KPNA6: variants seen among roughly 807,000 people sequenced by gnomAD.
KPNA6 encodes the protein importin subunit alpha-7.
Under a neutral mutation model 72.0 loss-of-function variants are expected in KPNA6, and 9 were observed. The observed-to-expected ratio is 0.13, with a 90% CI of 0.08 to 0.22. The LOEUF is 0.22. Among genes scored for constraint, KPNA6 ranks in the 10% least tolerant of loss-of-function variants. KPNA6 has a pLI of 1.00. For synonymous variants in KPNA6, 219 were observed against 242.1 expected (o/e 0.90, Z 0.89); for missense variants, 374 against 655.7 (o/e 0.57, Z 4.69).
intron 1 of KPNA6, among the ~76,000 whole-genome samples, chr1:32,151,686 C>G (rs534476820): frequency 6.6e-6 from 1 of 152,180 alleles, no homozygotes; most frequent in African/African-American, 2.4e-5. Flanking sequence ...TCACTTAATT[C>G]GTTTCCCTCT....
intron 3 of KPNA6, 23 bp from the exon 4 acceptor site, chr1:32,157,323 C>T (rs1321361126): frequency 1.3e-6 from 2 of 1,592,216 alleles, no homozygotes; most frequent in Non-Finnish European, 1.7e-6. Context: ...TTTGCAAAGT[C>T]CTAAACTTGT....
At chr1:32,125,957 T>A (rs1313299295) in intron 1 of KPNA6, among the ~76,000 whole-genome samples, 2 of 146,414 alleles carry the variant, frequency 1.4e-5, no homozygotes, top group Non-Finnish European at 3.0e-5. Context: ...TGCCGCCAAA[T>A]GTGTTTTGAG....
intron 9 of KPNA6, 121 bp from the exon 10 acceptor site, chr1:32,163,113 AG>A: frequency 1.5e-6 from 1 of 671,990 alleles, no homozygotes; most frequent in Non-Finnish European, 2.7e-6. Context: ...CAAAAAAAAA[AG>A]AAAAAAGAAA....
chr1:32,134,350 G>T (rs1205118091), intron 1 of KPNA6, among the ~76,000 whole-genome samples: 4 of 151,672 alleles, frequency 2.6e-5, no homozygotes, highest in Non-Finnish European at 5.9e-5. Context: ...GCTTAGGGGG[G>T]TTGTTACCAC....
chr1:32,173,852 A>G lies in KPNA6; in HGVS notation c.*2958A>G, dbSNP rs1028864858. On this transcript the variant is annotated 3_prime_UTR_variant, in exon 14 of 14. Coordinates refer to ENST00000373625, the MANE Select transcript of KPNA6 (RefSeq NM_012316.5). ...TTTTGGAATCCTGGCATGTTGGCAT[A>G]TGGCTGGTCTATCCTTTTTAAGATC... 6.6e-6 allele frequency: 1 copy of G among 152,298 alleles called. No homozygotes were observed. The highest frequency in any genetic ancestry group is 6.5e-5 in the Admixed American group (1 of 15,282). The allele number at this position is 152,298 out of a possible 1,614,324, so 9.4% of individuals were successfully genotyped here.
rs924032604 is a variant in KPNA6 at position 32,173,319 on chromosome 1, T to TA, written c.*2426dup. ...GGGACCAGTTTCTTAGTGTAAGACATACACATCCTGCTTGTCCAGCTGTTC... is the reference window on the plus strand; with the variant it reads ...GGGACCAGTTTCTTAGTGTAAGACATAACACATCCTGCTTGTCCAGCTGTTC... On this transcript the variant is annotated 3_prime_UTR_variant, in exon 14 of 14. Transcript: ENST00000373625. 2.6e-6 allele frequency: 1 copy of TA among 385,310 alleles called. No homozygotes were observed. Among genetic ancestry groups the TA allele is most frequent in the African/African-American group, 2.1e-5 (1 of 48,282 alleles). 23.9% of individuals were successfully genotyped at this position (385,310 alleles called of 1,614,324 possible). A position where few individuals can be genotyped will look rare whatever the true frequency, so the allele number is the denominator to read the frequency against.
In KPNA6 at chr1:32,173,268, CAAGT is replaced by C. The variant is rs1462936186; in HGVS notation, c.*2378_*2381del. 7.6e-6 allele frequency: 3 copies of C among 392,890 alleles called. No individual in the cohort carries two copies. Among genetic ancestry groups the C allele is most frequent in the Non-Finnish European group, 8.9e-6 (2 of 223,684 alleles). The allele number at this position is 392,890 out of a possible 1,614,324, so 24.3% of individuals were successfully genotyped here. ...TTAGTAGGATCTACTTTGTACATCT[CAAGT>C]AAGAGTTAAGTCCCTGATACAGGGA... is the stretch of plus-strand genomic sequence containing the variant. On this transcript the variant is annotated 3_prime_UTR_variant, in exon 14 of 14. Coordinates refer to ENST00000373625, the MANE Select transcript of KPNA6 (RefSeq NM_012316.5).
intron 1 of KPNA6, among the ~76,000 whole-genome samples, chr1:32,153,855 AGCAGTTCTTGGCTGGACGTGGTTGCTCAT>A (rs1642084868): frequency 6.6e-6 from 1 of 152,174 alleles, no homozygotes; most frequent in Non-Finnish European, 1.5e-5. Flanking sequence ...TGCTTAGAAC[AGCAGTTCTTGGCTGGACGTGGTTGCTCAT>A]GCCTATAGTC....
intron 1 of KPNA6, among the ~76,000 whole-genome samples, chr1:32,134,256 CA>C (rs34653548): frequency 0.17 from 18,776 of 109,400 alleles, 1,591 homozygotes; most frequent in East Asian, 0.39. Flanking sequence ...CACTTCGTCT[CA>C]AAAAAAAAAA....
chr1:32,113,296 A>G (rs1641271205), intron 1 of KPNA6, among the ~76,000 whole-genome samples: 1 of 152,042 alleles, frequency 6.6e-6, no homozygotes, highest in Admixed American at 6.6e-5. Context: ...AGGAAACTGA[A>G]GTGGGAGAAT....
rs370604932 is a variant in KPNA6, at chr1:32,167,616, G to A, written c.1244+320G>A. ...CCAACAGAGAACTGAAATCTATGTA[G>A]TTCTCAATTCAAATGAAGGGGAACC... On this transcript the variant is annotated intron_variant, in intron 12 of 13. Coordinates refer to ENST00000373625, the MANE Select transcript of KPNA6 (RefSeq NM_012316.5). Among the ~76,000 whole-genome samples the A allele has an allele frequency of 6.6e-5, 10 of 152,194 alleles. No homozygotes were observed. The East Asian group carries it at 1.9e-3, about 29-fold the overall frequency.
rs535860238 is a variant in KPNA6, at chr1:32,119,522, A to G, written c.4+11388A>G. Among the ~76,000 whole-genome samples the G allele has an allele frequency of 5.7e-4, 87 of 152,302 alleles. 1 individual carries two copies. In the South Asian group the frequency reaches 0.018, roughly 31 times the overall value. On this transcript the variant is annotated intron_variant, in intron 1 of 13. Coordinates refer to ENST00000373625, the MANE Select transcript of KPNA6 (RefSeq NM_012316.5). ...CTAGGCCCTGGAAATACAGTGGTTA[A>G]CAAAACAGACAAAACCTCTTTCTGG...
intron 10 of KPNA6, 75 bp from the exon 11 acceptor site, chr1:32,166,030 C>CA: frequency 6.8e-6 from 10 of 1,466,038 alleles, no homozygotes; most frequent in Middle Eastern, 1.8e-4. Flanking sequence ...ACAACAACAA[C>CA]AACAACAAAA....
intron 1 of KPNA6, among the ~76,000 whole-genome samples, chr1:32,134,799 T>C (rs1641704082): frequency 6.6e-6 from 1 of 152,042 alleles, no homozygotes; most frequent in Non-Finnish European, 1.5e-5. Flanking sequence ...CTGTAAGAAA[T>C]AGAAAGTACC....
At chr1:32,143,016 A>G (rs1256998853) in intron 1 of KPNA6, 78 of 1,288,486 alleles carry the variant, frequency 6.1e-5, no homozygotes, top group Non-Finnish European at 7.7e-5. Flanking sequence ...ATGAAAAGCT[A>G]TGTGTCAGGT....
intron 6 of KPNA6, among the ~76,000 whole-genome samples, chr1:32,159,826 A>G (rs1283570340): frequency 6.6e-6 from 1 of 152,142 alleles, no homozygotes; most frequent in Non-Finnish European, 1.5e-5. Context: ...AAAAAACTCT[A>G]TACATTTGTT....
chr1:32,129,917 G>A (rs1279918158), intron 1 of KPNA6, among the ~76,000 whole-genome samples: 1 of 151,986 alleles, frequency 6.6e-6, no homozygotes, highest in Non-Finnish European at 1.5e-5. Context: ...CTTGTGGTTG[G>A]TATGCTGTCA....
chr1:32,170,434 T>C (rs963351243), intron 13 of KPNA6, among the ~76,000 whole-genome samples: 10 of 152,230 alleles, frequency 6.6e-5, no homozygotes, highest in African/African-American at 2.4e-4. Flanking sequence ...CACTCATCCC[T>C]GAGAGGCTGA....
intron 1 of KPNA6, among the ~76,000 whole-genome samples, chr1:32,148,987 C>T (rs933699578): frequency 1.1e-4 from 17 of 152,082 alleles, no homozygotes; most frequent in South Asian, 8.3e-4. Flanking sequence ...GCCACCGTGC[C>T]GGCCATATTG....
Sources: gnomAD v4.1 joint callset for allele counts (sites outside exome capture counted in the v4.1 genomes callset) on GRCh38, gnomAD v4.1.1 for gene constraint, MANE v1.5 for transcripts, NCBI Gene and HGNC (gene_info 2026-07-23, HGNC 2026-07-21) for gene names.